The following SLC6A18 variants were observed in gnomAD, a reference collection of about 807,000 sequenced individuals.
SLC6A18 encodes solute carrier family 6 member 18.
Under a neutral mutation model 62.9 loss-of-function variants are expected in SLC6A18, and 58 were observed. The observed-to-expected ratio is 0.92, with a 90% confidence interval of 0.75 to 1.15. The LOEUF is 1.15. Among genes scored for constraint, SLC6A18 ranks in the 50% most tolerant of loss-of-function variants. The probability of loss-of-function intolerance (pLI) is 0.00; values close to 1 mark genes in which losing one functional copy is unlikely to be tolerated. For missense variants in SLC6A18, 793 were observed against 836.6 expected, an observed-to-expected ratio of 0.95 and a Z score of 0.64; for synonymous variants, 382 against 365.8, an observed-to-expected ratio of 1.04 and a Z score of -0.51.
chr5:1,225,866 C>T (rs1034425508), intron 1 of SLC6A18, among the ~76,000 whole-genome samples: 1 of 152,208 alleles, frequency 6.6e-6, no homozygotes, highest in Non-Finnish European at 1.5e-5. Context: ...GGATCCAGTC[C>T]CCTCGGGGTC....
At position 1,235,587 on chromosome 5, in the gene SLC6A18, G is replaced by A; in HGVS notation, c.546G>A (p.Trp182Ter). The change falls in exon 4 of 12, where the codon TGG becomes TGA. Residue 182 changes from tryptophan to a stop codon, truncating the protein, a stop_gained. Coordinates refer to ENST00000324642, the MANE Select transcript of SLC6A18 (RefSeq NM_182632.3). LOFTEE classifies it high-confidence loss of function. ...ATGACAGTGGCTCCATCCAGTGGTG[G>A]CTGCTCATCTGCTTGGCAGCCTCCT... is the stretch of plus-strand genomic sequence containing the variant. Reference protein sequence around the residue: ...DINDSGSIQWWLLICLAASWA... With the variant: ...DINDSGSIQW 6.2e-7 allele frequency: 1 copy of A among 1,614,074 alleles called. No homozygotes were observed. The highest frequency in any genetic ancestry group is 1.1e-5 in the South Asian group (1 of 91,088).
intron 7 of SLC6A18, 80 bp downstream of exon 7, chr5:1,240,739 G>A: frequency 1.9e-6 from 3 of 1,577,398 alleles, no homozygotes; most frequent in South Asian, 2.2e-5. Context: ...CCCAAGGCAT[G>A]AGGAAGGGTG....
At chr5:1,240,395 G>T in intron 6 of SLC6A18, 136 bp from the exon 7 acceptor site, 1 of 1,309,406 alleles carries the variant, frequency 7.6e-7, no homozygotes, top group Non-Finnish European at 1.0e-6. Context: ...ACTGGCAGCA[G>T]CAGCCCTTGG....
Position 1,240,528 on chromosome 5 carries a change from C to G in SLC6A18, c.846-3C>G, listed in dbSNP as rs375296591. On this transcript the variant is annotated splice_region_variant and splice_polypyrimidine_tract_variant and intron_variant, in intron 6 of 11. Transcript: ENST00000324642. ...CCTGTGATGAGCGTGCGTTTGTGCC[C>G]AGGAATGACTGCCAGAAGGATGCGG... 1.9e-6 allele frequency: 3 copies of G among 1,614,092 alleles called. No homozygotes were observed. The highest frequency in any genetic ancestry group is 2.2e-5 in the South Asian group (2 of 91,068).
At chr5:1,237,817 G>A (rs928454953) in intron 4 of SLC6A18, 133 bp from the exon 5 acceptor site, 15 of 685,786 alleles carry the variant, frequency 2.2e-5, no homozygotes, top group African/African-American at 3.6e-5. Context: ...ACCCCCATCC[G>A]TCCTGGTCAA....
Position 1,243,656 on chromosome 5 carries a change from C to T in SLC6A18, c.1233C>T (p.Phe411=). ...VWAMLFFGML[F]TLGLSTMFGT... The stretch of plus-strand genomic sequence containing the variant: ...CCATGCTCTTCTTCGGGATGCTGTT[C>T]ACCTTGGGGCTATCGACCATGTTCG... Residue 411 remains phenylalanine, a synonymous_variant, in exon 9 of 12, where the codon TTC becomes TTT. Transcript: ENST00000324642. This position sits in a 1 kb window ranked among gnomAD's most constrained non-coding sequence, Gnocchi z 6.5. 2 of 1,614,106 alleles carry T rather than the reference C, an allele frequency of 1.2e-6. No individual in the cohort carries two copies. Among genetic ancestry groups the T allele is most frequent in the Non-Finnish European group, 1.7e-6 (2 of 1,180,008 alleles).
At chr5:1,231,589 G>C (rs140248836) in intron 1 of SLC6A18, among the ~76,000 whole-genome samples, 116 of 152,310 alleles carry the variant, frequency 7.6e-4, no homozygotes, top group African/African-American at 2.5e-3. Context: ...CATGCCATCT[G>C]TTGCATGAAG....
At position 1,244,346 on chromosome 5, in the gene SLC6A18, G is replaced by A. The variant is rs369797351; in HGVS notation, c.1469G>A (p.Gly490Asp). The A allele has an allele frequency of 6.2e-7, 1 of 1,614,144 alleles. No homozygotes were observed. The highest frequency in any genetic ancestry group is 8.5e-7 in the Non-Finnish European group (1 of 1,180,002). ...ATGTTGGCCTTTCTCGAGGTTGTGG[G>A]TGTCGTTTATGTTTATGGAATGAAA... Reference protein sequence around the residue: ...LLMLAFLEVVGVVYVYGMKRF... With the variant: ...LLMLAFLEVVDVVYVYGMKRF... The change falls in exon 10 of 12, where the codon GGT becomes GAT. Residue 490 changes from glycine (G) to aspartate (D), a missense_variant. Coordinates refer to ENST00000324642, the MANE Select transcript of SLC6A18 (RefSeq NM_182632.3).
chr5:1,226,353 T>G (rs1746561702), intron 1 of SLC6A18, among the ~76,000 whole-genome samples: 1 of 152,190 alleles, frequency 6.6e-6, no homozygotes, highest in South Asian at 2.1e-4. Flanking sequence ...ATCACTGCTC[T>G]CAGGGAGCCG....
intron 5 of SLC6A18, 112 bp from the exon 6 acceptor site, chr5:1,239,338 C>A: frequency 1.3e-6 from 1 of 752,018 alleles, no homozygotes; most frequent in East Asian, 2.5e-5. Context: ...GTACAGGTCA[C>A]ACTTGCTCAC....
rs140067713 is a variant in SLC6A18, at chr5:1,235,579, C to T, written c.538C>T (p.Gln180Ter). The T allele has an allele frequency of 1.2e-6, 2 of 1,613,930 alleles. No individual in the cohort carries two copies. Among genetic ancestry groups the T allele is most frequent in the Non-Finnish European group, 1.7e-6 (2 of 1,180,038 alleles). The part of the protein sequence containing the change: ...TADINDSGSI[Q>*]WWLLICLAAS... ...CGACATCAATGACAGTGGCTCCATC[C>T]AGTGGTGGCTGCTCATCTGCTTGGC... The change falls in exon 4 of 12, where the codon CAG becomes TAG. Residue 180 changes from glutamine to a stop codon, truncating the protein, a stop_gained. Coordinates refer to ENST00000324642, the MANE Select transcript of SLC6A18 (RefSeq NM_182632.3). LOFTEE classifies it high-confidence loss of function.
chr5:1,232,720 C>T lies in SLC6A18; in HGVS notation c.302-31C>T, dbSNP rs189956907. On this transcript the variant is annotated intron_variant, in intron 2 of 11. Transcript: ENST00000324642. The stretch of plus-strand genomic sequence containing the variant: ...GGCAGAGGGAGCTGGGAAGGAGCCC[C>T]GGGGCCACCTGACATGGTCCCTGTC... The T allele has an allele frequency of 4.8e-3, 7,546 of 1,576,700 alleles. 30 individuals are homozygous for T. The highest frequency in any genetic ancestry group is 6.2e-3 in the Middle Eastern group (37 of 5,926).
At position 1,227,000 on chromosome 5, in the gene SLC6A18, C is replaced by CGATGCCTTGCCCACT. The variant is rs1746593948; in HGVS notation, c.160+1375_160+1376insACTGATGCCTTGCCC. ...CCTTGCCCACCGATGCCTTGCCCAC[C>CGATGCCTTGCCCACT]GATGCCTTGCCCGCCGACGCGCCCA... On this transcript the variant is annotated intron_variant, in intron 1 of 11. Transcript: ENST00000324642. 1.3e-5 allele frequency among the ~76,000 whole-genome samples: 2 copies of CGATGCCTTGCCCACT among 149,652 alleles called. 1 individual carries two copies. The highest frequency in any genetic ancestry group is 4.9e-5 in the African/African-American group (2 of 40,530).
intron 11 of SLC6A18, 80 bp from the exon 12 acceptor site, chr5:1,245,767 GC>G: frequency 2.1e-6 from 3 of 1,418,806 alleles, no homozygotes; most frequent in South Asian, 2.8e-5. Flanking sequence ...GGTGGCTCTT[GC>G]CCCTTGGATT....
In SLC6A18 at chr5:1,241,730, A is replaced by C. The variant is rs946637127; in HGVS notation, c.975-977A>C. ...GCAGAGCTGGGCTTTGTTCAGCCCC[A>C]GCCGGGGACGTGCATGGCGGGCAAC... On this transcript the variant is annotated intron_variant, in intron 7 of 11. Coordinates refer to ENST00000324642, the MANE Select transcript of SLC6A18 (RefSeq NM_182632.3). The surrounding 1 kb of genome is among the most constrained non-coding windows in gnomAD (Gnocchi z 7.8). Among the ~76,000 whole-genome samples the C allele has an allele frequency of 5.3e-5, 8 of 152,244 alleles. No homozygotes were observed. The highest frequency in any genetic ancestry group is 1.7e-4 in the African/African-American group (7 of 41,472).
In SLC6A18 at chr5:1,244,219, G is replaced by T. The variant is rs756747884; in HGVS notation, c.1342G>T (p.Val448Phe). 1.2e-6 allele frequency: 2 copies of T among 1,612,356 alleles called. No homozygotes were observed. Among genetic ancestry groups the T allele is most frequent in the Admixed American group, 3.3e-5 (2 of 59,890 alleles). ...WVPKEALTGL[V>F]CLVCFLSATC... is the part of the protein sequence containing the mutation. Reference sequence around the variant, plus strand: ...CCCCTTTCCCACTGCCCCAGGGCTGGTCTGCCTGGTCTGCTTCCTCTCCGC... The same window carrying T: ...CCCCTTTCCCACTGCCCCAGGGCTGTTCTGCCTGGTCTGCTTCCTCTCCGC... The change falls in exon 10 of 12, where the codon GTC becomes TTC. Residue 448 changes from valine (V) to phenylalanine (F), a missense_variant. Transcript: ENST00000324642.
intron 5 of SLC6A18, among the ~76,000 whole-genome samples, chr5:1,238,267 G>C (rs577236671): frequency 3.8e-5 from 1 of 26,348 alleles, no homozygotes; most frequent in East Asian, 3.5e-4. Flanking sequence ...GTGAGCCTGG[G>C]GCCTCAGGAA....
At position 1,235,601 on chromosome 5, in the gene SLC6A18, T is replaced by C; in HGVS notation, c.560T>C (p.Leu187Ser). ...GSIQWWLLIC[L>S]AASWAVVYMC... Reference sequence around the variant, plus strand: ...ATCCAGTGGTGGCTGCTCATCTGCTTGGCAGCCTCCTGGGCAGTCGTGTAC... The same window carrying C: ...ATCCAGTGGTGGCTGCTCATCTGCTCGGCAGCCTCCTGGGCAGTCGTGTAC... Residue 187 changes from leucine to serine, a missense_variant, in exon 4 of 12, where the codon TTG becomes TCG. Leu to Ser is a moderately radical substitution (Grantham distance 145). Coordinates refer to ENST00000324642, the MANE Select transcript of SLC6A18 (RefSeq NM_182632.3). 1 of 1,614,020 alleles carries C rather than the reference T, an allele frequency of 6.2e-7. No individual in the cohort carries two copies. The highest frequency in any genetic ancestry group is 1.1e-5 in the South Asian group (1 of 91,078).
At chr5:1,229,485 G>T (rs764619708) in intron 1 of SLC6A18, among the ~76,000 whole-genome samples, 4 of 152,158 alleles carry the variant, frequency 2.6e-5, no homozygotes, top group Non-Finnish European at 5.9e-5. Context: ...CCCAGCCCAG[G>T]CTCAATGGCC....
Sources: allele counts gnomAD v4.1 joint callset (sites outside exome capture counted in the v4.1 genomes callset), GRCh38; gene constraint gnomAD v4.1.1; non-coding constraint Gnocchi (gnomAD v3.1); transcripts MANE v1.5; gene names NCBI Gene and HGNC (gene_info 2026-07-23, HGNC 2026-07-21).